ST6GALNAC5: variants seen among roughly 807,000 people sequenced by gnomAD.
ST6GALNAC5 encodes ST6 N-acetylgalactosaminide alpha-2,6-sialyltransferase 5.
ST6GALNAC5 carries 27 observed loss-of-function variants against 33.6 expected under a neutral mutation model. The ratio of observed to expected loss-of-function variants is 0.80; its 90% CI spans 0.59 to 1.11. The LOEUF (loss-of-function observed/expected upper bound fraction) is 1.11. Among genes scored for constraint, ST6GALNAC5 ranks in the 50% least tolerant of loss-of-function variants. ST6GALNAC5 has a pLI of 0.00. For synonymous variants in ST6GALNAC5, 194 were observed against 171.2 expected, an observed-to-expected ratio of 1.13 and a Z score of -1.04; for missense variants, 428 against 454.0, an observed-to-expected ratio of 0.94 and a Z score of 0.52.
chr1:76,979,261 G>GA (rs539603137), intron 2 of ST6GALNAC5, among the ~76,000 whole-genome samples: 111 of 150,174 alleles, frequency 7.4e-4, no homozygotes, highest in South Asian at 3.6e-3. Context: ...TACAGAAATG[G>GA]AAAAAAAAAT....
chr1:77,055,030 G>T (rs1461590798), intron 4 of ST6GALNAC5, among the ~76,000 whole-genome samples: 2 of 151,770 alleles, frequency 1.3e-5, no homozygotes, highest in Non-Finnish European at 2.9e-5. Context: ...TACTGTGATG[G>T]CCTCCTGGAC....
intron 2 of ST6GALNAC5, among the ~76,000 whole-genome samples, chr1:77,023,674 G>A (rs1651133608): frequency 6.6e-6 from 1 of 152,148 alleles, no homozygotes; most frequent in African/African-American, 2.4e-5. Flanking sequence ...ATTGAGAGTG[G>A]GCAGTTTTTT....
intron 2 of ST6GALNAC5, among the ~76,000 whole-genome samples, chr1:76,958,990 ACTGCCTCCTCCT>A (rs1157194754): frequency 2.0e-5 from 3 of 152,168 alleles, no homozygotes; most frequent in Admixed American, 6.5e-5. Flanking sequence ...GCTAGGCCTC[ACTGCCTCCTCCT>A]CTGCCTCCTC....
chr1:76,943,162 T>G (rs1442207323), intron 2 of ST6GALNAC5, among the ~76,000 whole-genome samples: 2 of 152,104 alleles, frequency 1.3e-5, no homozygotes, highest in Non-Finnish European at 2.9e-5. Context: ...AGGTATCAAT[T>G]CATTTGTTCT....
chr1:76,995,043 C>T (rs1046434097), intron 2 of ST6GALNAC5, among the ~76,000 whole-genome samples: 1 of 152,124 alleles, frequency 6.6e-6, no homozygotes, highest in African/African-American at 2.4e-5. Context: ...AGATCACTGT[C>T]TCTTGGATTG....
At chr1:76,960,742 G>A (rs1243489431) in intron 2 of ST6GALNAC5, among the ~76,000 whole-genome samples, 1 of 152,164 alleles carries the variant, frequency 6.6e-6, no homozygotes, top group Admixed American at 6.5e-5. Context: ...TCTCCCATTT[G>A]CTTTTGAAAG....
At chr1:77,046,516 T>C (rs1652013776) in intron 3 of ST6GALNAC5, among the ~76,000 whole-genome samples, 1 of 152,146 alleles carries the variant, frequency 6.6e-6, no homozygotes, top group Non-Finnish European at 1.5e-5. Flanking sequence ...CCTTCCTCAC[T>C]GGAAGGCCCA....
At chr1:77,022,712 A>T (rs1443256519) in intron 2 of ST6GALNAC5, among the ~76,000 whole-genome samples, 7 of 152,224 alleles carry the variant, frequency 4.6e-5, no homozygotes, top group Admixed American at 1.3e-4. Flanking sequence ...GTAAATATTT[A>T]AAAACTTGGG....
chr1:77,002,103 G>A (rs1200923835), intron 2 of ST6GALNAC5, among the ~76,000 whole-genome samples: 2 of 152,092 alleles, frequency 1.3e-5, no homozygotes, highest in South Asian at 2.1e-4. Flanking sequence ...GAATTCGGCT[G>A]TGAATCCATC....
chr1:76,918,159 A>G (rs1030473380), intron 2 of ST6GALNAC5, among the ~76,000 whole-genome samples: 2 of 152,216 alleles, frequency 1.3e-5, no homozygotes, highest in Non-Finnish European at 1.5e-5. Flanking sequence ...CCATCTGTCT[A>G]GAAAATAGAG....
chr1:76,894,181 T>A (rs1364607690), intron 2 of ST6GALNAC5, among the ~76,000 whole-genome samples: 1 of 152,208 alleles, frequency 6.6e-6, no homozygotes, highest in Non-Finnish European at 1.5e-5. Context: ...TCTTTTAAGT[T>A]TCTCCCTTGA....
chr1:76,913,919 G>C (rs978632501), intron 2 of ST6GALNAC5, among the ~76,000 whole-genome samples: 31 of 152,228 alleles, frequency 2.0e-4, no homozygotes, highest in African/African-American at 7.0e-4. Context: ...GTTTGCAGAC[G>C]ACATGATTGT....
At chr1:76,898,255 G>C (rs1222461366) in intron 2 of ST6GALNAC5, among the ~76,000 whole-genome samples, 1 of 152,212 alleles carries the variant, frequency 6.6e-6, no homozygotes, top group East Asian at 1.9e-4. Context: ...GGGGGAGGAG[G>C]TTCTGGAGGA....
At chr1:76,904,590 T>C (rs1375853069) in intron 2 of ST6GALNAC5, among the ~76,000 whole-genome samples, 2 of 152,160 alleles carry the variant, frequency 1.3e-5, no homozygotes, top group Admixed American at 6.6e-5. Flanking sequence ...CTTGGGAGGC[T>C]GAAGCGAGTG....
chr1:77,054,876 T>C (rs1356586419), intron 4 of ST6GALNAC5, among the ~76,000 whole-genome samples: 1 of 152,090 alleles, frequency 6.6e-6, no homozygotes, highest in Non-Finnish European at 1.5e-5. Context: ...AAAGATAGCA[T>C]TGCATTCACA....
chr1:76,916,213 C>T (rs1322818582), intron 2 of ST6GALNAC5, among the ~76,000 whole-genome samples: 4 of 152,128 alleles, frequency 2.6e-5, no homozygotes, highest in Non-Finnish European at 4.4e-5. Flanking sequence ...GAAGCTGGTA[C>T]GGATGACACA....
intron 2 of ST6GALNAC5, among the ~76,000 whole-genome samples, chr1:77,013,118 T>C (rs1650701890): frequency 6.6e-6 from 1 of 152,168 alleles, no homozygotes; most frequent in Non-Finnish European, 1.5e-5. Flanking sequence ...CCCACAGTCC[T>C]GCGGGTGCAC....
At chr1:76,908,623 C>T (rs1646885224) in intron 2 of ST6GALNAC5, among the ~76,000 whole-genome samples, 3 of 152,124 alleles carry the variant, frequency 2.0e-5, no homozygotes, top group African/African-American at 7.2e-5. Context: ...GACCTCACTT[C>T]CTTCAGGACA....
intron 2 of ST6GALNAC5, among the ~76,000 whole-genome samples, chr1:76,904,307 G>A (rs977835259): frequency 3.3e-5 from 5 of 151,702 alleles, no homozygotes; most frequent in Admixed American, 1.3e-4. Flanking sequence ...AAGGGAAAGG[G>A]ACTCAAATTC....
Sources: gnomAD v4.1 joint callset for allele counts (sites outside exome capture counted in the v4.1 genomes callset) on GRCh38, gnomAD v4.1.1 for gene constraint, MANE v1.5 for transcripts, NCBI Gene and HGNC (gene_info 2026-07-23, HGNC 2026-07-21) for gene names.